Variants in NLRP5 observed in about 807,000 individuals in gnomAD.
The protein encoded by NLRP5 is NLR family pyrin domain containing 5.
A neutral mutation model predicts 113.1 loss-of-function variants in NLRP5; 93 were observed. That is an observed-to-expected ratio of 0.82 (90% CI 0.70 to 0.98). NLRP5 has a LOEUF of 0.98. Among genes scored for constraint, NLRP5 ranks in the 50% least tolerant of loss-of-function variants. NLRP5 has a pLI of 0.00. For missense variants in NLRP5, 1,808 were observed against 1,514.3 expected, an observed-to-expected ratio of 1.19 and a Z score of -3.22; for synonymous variants, 751 against 600.7, an observed-to-expected ratio of 1.25 and a Z score of -3.66.
rs1412317286 is a variant in NLRP5 at position 56,010,742 on chromosome 19, C to CAAAAAA, written c.508+1897_508+1902dup. 2.2e-3 allele frequency among the ~76,000 whole-genome samples: 89 copies of CAAAAAA among 41,264 alleles called. 6 individuals are homozygous for CAAAAAA. Among genetic ancestry groups the CAAAAAA allele is most frequent in the South Asian group, 5.8e-3 (7 of 1,206 alleles). 27.1% of individuals were successfully genotyped at this position (41,264 alleles called of 152,430 possible). A position where few individuals can be genotyped will look rare whatever the true frequency, so the allele number is the denominator to read the frequency against. On this transcript the variant is annotated intron_variant, in intron 3 of 14. Coordinates refer to ENST00000390649, the MANE Select transcript of NLRP5 (RefSeq NM_153447.4). Reference sequence around the variant, plus strand: ...GGGAAACAAGAGCTTAACTCTGTCTCAAAAAAAAAAAAAGTCCCTTGAAAC... The same window carrying CAAAAAA: ...GGGAAACAAGAGCTTAACTCTGTCTCAAAAAAAAAAAAAAAAAAAGTCCCTTGAAAC...
At chr19:56,005,006 A>G (rs1394518949) in intron 2 of NLRP5, among the ~76,000 whole-genome samples, 2 of 151,492 alleles carry the variant, frequency 1.3e-5, no homozygotes, top group Non-Finnish European at 2.9e-5. Flanking sequence ...AGGCAGGAGA[A>G]TCACTTGAAT....
chr19:56,019,047 C>G (rs192618977), intron 4 of NLRP5, among the ~76,000 whole-genome samples: 1 of 152,142 alleles, frequency 6.6e-6, no homozygotes, highest in Non-Finnish European at 1.5e-5. Flanking sequence ...CTGCCCGCCT[C>G]GGCCTCCCAA....
At chr19:56,034,483 G>A (rs1983240131) in intron 9 of NLRP5, among the ~76,000 whole-genome samples, 1 of 152,204 alleles carries the variant, frequency 6.6e-6, no homozygotes, top group African/African-American at 2.4e-5. Context: ...CTGGTATGGT[G>A]TGTGTACATT....
chr19:56,035,881 G>A (rs1261047175), intron 9 of NLRP5, among the ~76,000 whole-genome samples: 1 of 151,144 alleles, frequency 6.6e-6, no homozygotes, highest in Non-Finnish European at 1.5e-5. Context: ...ATCACATTGA[G>A]GAGTTGGAAC....
upstream of NLRP5, among the ~76,000 whole-genome samples, chr19:55,999,182 A>G (rs1168516885): frequency 6.7e-6 from 1 of 149,824 alleles, no homozygotes; most frequent in Non-Finnish European, 1.5e-5. Flanking sequence ...CACACAATTG[A>G]GATCCTACTA....
At chr19:56,008,347 G>A (rs1342089357) in intron 2 of NLRP5, among the ~76,000 whole-genome samples, 1 of 152,092 alleles carries the variant, frequency 6.6e-6, no homozygotes. Flanking sequence ...CCATGGAAGA[G>A]ATGTTTTGCA....
the NLRP5 span, among the ~76,000 whole-genome samples, chr19:55,994,346 G>A: frequency 0.19 from 29,583 of 151,990 alleles, 3,469 homozygotes; most frequent in Non-Finnish European, 0.26. Flanking sequence ...ATATATTCTG[G>A]GTATTAGTTC....
chr19:56,050,830 GT>G (rs1156924451), intron 12 of NLRP5, among the ~76,000 whole-genome samples: 1 of 152,200 alleles, frequency 6.6e-6, no homozygotes, highest in Non-Finnish European at 1.5e-5. Flanking sequence ...CCTAAACACT[GT>G]GCATTCCTCA....
At chr19:55,998,708 G>GTATATATATATATA (rs1429404937), upstream of NLRP5, among the ~76,000 whole-genome samples, 4 of 59,352 alleles carry the variant, frequency 6.7e-5, no homozygotes, top group African/African-American at 3.2e-4. Flanking sequence ...ATATATGTGT[G>GTATATATATATATA]TGTGTGTATA....
chr19:55,990,979 C>A, the NLRP5 span, among the ~76,000 whole-genome samples: 1 of 152,004 alleles, frequency 6.6e-6, no homozygotes, highest in Non-Finnish European at 1.5e-5. Context: ...AGCAAAACTC[C>A]ATCTCAAAGA....
the NLRP5 span, chr19:55,987,768 C>A: frequency 7.0e-7 from 1 of 1,426,844 alleles, no homozygotes; most frequent in Non-Finnish European, 9.9e-7. Context: ...GTCACTCATC[C>A]TCAGAAAATA....
At chr19:55,990,181 C>T in the NLRP5 span, among the ~76,000 whole-genome samples, 5 of 144,996 alleles carry the variant, frequency 3.4e-5, no homozygotes, top group Admixed American at 7.1e-5. Flanking sequence ...CTCTGCCTCC[C>T]GGGTTCAAGC....
chr19:56,037,965 A>T, intron 9 of NLRP5, 60 bp from the exon 10 acceptor site: 1 of 1,571,548 alleles, frequency 6.4e-7, no homozygotes, highest in Non-Finnish European at 8.7e-7. Context: ...TGCTGAGTAG[A>T]GGGGAAATGG....
chr19:56,058,282 C>T lies in NLRP5; in HGVS notation c.3342C>T (p.Leu1114=). ...TGACTTCTGATTGCTGTGAGGCACTCTCCTTGGCCCTTTCCTGCAACCGGC... is the reference window on the plus strand; with the variant it reads ...TGACTTCTGATTGCTGTGAGGCACTTTCCTTGGCCCTTTCCTGCAACCGGC... The change falls in exon 14 of 15, where the codon CTC becomes CTT. Residue 1114 remains leucine, a synonymous_variant. Coordinates refer to ENST00000390649, the MANE Select transcript of NLRP5 (RefSeq NM_153447.4). 1 of 1,613,934 alleles carries T rather than the reference C, an allele frequency of 6.2e-7. No individual in the cohort carries two copies. Among genetic ancestry groups the T allele is most frequent in the Non-Finnish European group, 8.5e-7 (1 of 1,179,852 alleles).
intron 11 of NLRP5, among the ~76,000 whole-genome samples, chr19:56,041,601 C>T (rs1365427691): frequency 2.0e-5 from 3 of 152,158 alleles, no homozygotes; most frequent in Admixed American, 6.5e-5. Flanking sequence ...AGCCTCCCCA[C>T]GCTCCCCAGC....
In NLRP5 at chr19:56,032,054, A is replaced by C. The variant is rs544858958; in HGVS notation, c.2277-557A>C. 3.0e-4 allele frequency among the ~76,000 whole-genome samples: 45 copies of C among 152,238 alleles called. No individual in the cohort carries two copies. The South Asian group carries it at 8.3e-3, about 28-fold the overall frequency. On this transcript the variant is annotated intron_variant, in intron 7 of 14. Transcript: ENST00000390649. The stretch of plus-strand genomic sequence containing the variant: ...GGGCTGGAATTGAAGCAAAGATCTG[A>C]TGCAGGGCTGGGCACGGTGGTGGCT...
intron 3 of NLRP5, among the ~76,000 whole-genome samples, chr19:56,013,600 T>G (rs962385286): frequency 9.2e-5 from 12 of 130,774 alleles, no homozygotes; most frequent in Non-Finnish European, 1.3e-4. Context: ...ATTTGGGTTT[T>G]TTTTTTTTTT....
At chr19:56,061,153 G>A (rs8101146) in intron 14 of NLRP5, among the ~76,000 whole-genome samples, 20,993 of 152,166 alleles carry the variant, frequency 0.14, 1,637 homozygotes, top group East Asian at 0.31. Context: ...TTTTCTAACC[G>A]ATTTCAGCCA....
intron 11 of NLRP5, among the ~76,000 whole-genome samples, chr19:56,044,117 G>A (rs1983633722): frequency 2.0e-5 from 3 of 149,120 alleles, no homozygotes; most frequent in Middle Eastern, 3.2e-3. Context: ...AGGCTGGAGT[G>A]CAGTGGCACG....
Sources: gnomAD v4.1 joint callset for allele counts (sites outside exome capture counted in the v4.1 genomes callset) on GRCh38, gnomAD v4.1.1 for gene constraint, MANE v1.5 for transcripts, NCBI Gene and HGNC (gene_info 2026-07-23, HGNC 2026-07-21) for gene names.